Variants in CHRM2 observed in about 807,000 individuals in gnomAD.
The protein encoded by CHRM2 is muscarinic acetylcholine receptor M2.
In CHRM2, 8 loss-of-function variants were observed where a neutral mutation model predicts 25.0. That is an observed-to-expected ratio of 0.32 (90% CI 0.19 to 0.58). The LOEUF is 0.58. Ranked by LOEUF, CHRM2 falls within the 20% of genes least tolerant of loss-of-function variation. The pLI, the probability that CHRM2 is intolerant of heterozygous loss-of-function variation, is 0.88. For synonymous variants in CHRM2, 202 were observed against 205.7 expected, an observed-to-expected ratio of 0.98 and a Z score of 0.15; for missense variants, 440 against 567.1, an observed-to-expected ratio of 0.78 and a Z score of 2.28.
intron 2 of CHRM2, among the ~76,000 whole-genome samples, chr7:136,910,005 C>T (rs1797756842): frequency 6.6e-6 from 1 of 151,784 alleles, no homozygotes; most frequent in South Asian, 2.1e-4. Flanking sequence ...CACACACACA[C>T]ACCAAACGCT....
intron 2 of CHRM2, among the ~76,000 whole-genome samples, chr7:136,908,163 T>C (rs373675897): frequency 1.3e-5 from 2 of 152,104 alleles, no homozygotes; most frequent in African/African-American, 4.8e-5. Context: ...TGCTAACTTA[T>C]TTAAACCTCA....
At chr7:137,011,056 G>A (rs549116352) in intron 3 of CHRM2, among the ~76,000 whole-genome samples, 1 of 151,930 alleles carries the variant, frequency 6.6e-6, no homozygotes, top group Admixed American at 6.6e-5. Context: ...GGGAATGATA[G>A]AAATTGTTCC....
intron 2 of CHRM2, among the ~76,000 whole-genome samples, chr7:136,883,201 C>T (rs1796333250): frequency 1.3e-5 from 2 of 152,108 alleles, no homozygotes; most frequent in South Asian, 2.1e-4. Flanking sequence ...GGATCTTCCA[C>T]TTGTTTTTAC....
chr7:136,983,664 G>A lies in CHRM2; in HGVS notation c.-124-8523G>A, dbSNP rs115568252. Reference sequence around the variant, plus strand: ...ATGTTGATGCTACTGCTTTCTCTTCGTGAGTTTTCCTTCTAACAGTCAAGT... The same window carrying A: ...ATGTTGATGCTACTGCTTTCTCTTCATGAGTTTTCCTTCTAACAGTCAAGT... On this transcript the variant is annotated intron_variant, in intron 2 of 3. Transcript: ENST00000680005. Among the ~76,000 whole-genome samples the A allele has an allele frequency of 6.9e-3, 1,044 of 152,212 alleles. 10 individuals are homozygous for A. The highest frequency in any genetic ancestry group is 0.024 in the African/African-American group (993 of 41,524).
Position 137,015,900 on chromosome 7 carries a change from G to T in CHRM2, c.1035G>T (p.Glu345Asp). The T allele has an allele frequency of 6.2e-7, 1 of 1,613,148 alleles. No homozygotes were observed. The highest frequency in any genetic ancestry group is 8.5e-7 in the Non-Finnish European group (1 of 1,179,480). ...DSCTPTNTTVEVVGSSGQNGD... is the reference protein window; with the variant it reads ...DSCTPTNTTVDVVGSSGQNGD... ...GTACCCCAACTAATACCACCGTGGA[G>T]GTAGTGGGGTCTTCAGGTCAGAATG... Residue 345 changes from glutamate to aspartate, a missense_variant, in exon 4 of 4, where the codon GAG becomes GAT. Physicochemically the swap from Glu to Asp is conservative, Grantham distance 45 (BLOSUM62 2). Around this residue, in one of 5 missense-constraint regions of CHRM2, gnomAD observed 261 missense variants for 261.8 expected, o/e 1.00. Transcript: ENST00000680005. This position sits in a 1 kb window ranked among gnomAD's most constrained non-coding sequence, Gnocchi z 5.1.
chr7:136,986,094 G>T (rs2130996992), intron 2 of CHRM2, among the ~76,000 whole-genome samples: 1 of 152,224 alleles, frequency 6.6e-6, no homozygotes, highest in South Asian at 2.1e-4. Context: ...CCTAGAAATA[G>T]ATGAGAACCC....
At chr7:136,975,721 T>C (rs1214800125) in intron 2 of CHRM2, among the ~76,000 whole-genome samples, 1 of 152,218 alleles carries the variant, frequency 6.6e-6, no homozygotes, top group Non-Finnish European at 1.5e-5. Context: ...TCTCTTCCTA[T>C]TGCCTTCACT....
chr7:136,986,229 G>A (rs944270056), intron 2 of CHRM2, among the ~76,000 whole-genome samples: 1 of 152,020 alleles, frequency 6.6e-6, no homozygotes, highest in Non-Finnish European at 1.5e-5. Flanking sequence ...AAGCACCAAA[G>A]CATTTCCTTA....
intron 2 of CHRM2, among the ~76,000 whole-genome samples, chr7:136,960,950 A>G (rs1334245637): frequency 3.3e-5 from 5 of 152,026 alleles, no homozygotes; most frequent in Non-Finnish European, 2.9e-5. Context: ...ACAGGGTGAA[A>G]CCCCGTCTCT....
At chr7:137,009,835 T>G (rs1249835105) in intron 3 of CHRM2, among the ~76,000 whole-genome samples, 6 of 152,056 alleles carry the variant, frequency 3.9e-5, no homozygotes, top group African/African-American at 1.4e-4. Flanking sequence ...ATTGATAATT[T>G]AATATTATCG....
chr7:137,011,100 A>G (rs534936105), intron 3 of CHRM2, among the ~76,000 whole-genome samples: 369 of 152,022 alleles, frequency 2.4e-3, no homozygotes, highest in Non-Finnish European at 4.4e-3. Context: ...GTTAAGTGAG[A>G]TAATACATAT....
chr7:137,015,434 C>T lies in CHRM2; in HGVS notation c.569C>T (p.Thr190Met), dbSNP rs1394629702. ...TCCAATGCTGCTGTCACCTTTGGTA[C>T]GGCTATTGCAGCCTTCTATTTGCCA... ...FFSNAAVTFG[T>M]AIAAFYLPVI... is the part of the protein sequence containing the mutation. Residue 190 changes from threonine (T) to methionine (M), a missense_variant, in exon 4 of 4, where the codon ACG becomes ATG. Thr to Met is a moderately conservative substitution (Grantham distance 81, BLOSUM62 -1). Around this residue, in one of 5 missense-constraint regions of CHRM2, gnomAD observed 261 missense variants for 261.8 expected, o/e 1.00. Transcript: ENST00000680005. The surrounding 1 kb of genome is among the most constrained non-coding windows in gnomAD (Gnocchi z 5.1). 2.5e-6 allele frequency: 4 copies of T among 1,613,226 alleles called. No individual in the cohort carries two copies. Among genetic ancestry groups the T allele is most frequent in the Middle Eastern group, 1.6e-4 (1 of 6,080 alleles).
chr7:136,922,086 A>T (rs890790223), intron 2 of CHRM2, among the ~76,000 whole-genome samples: 2 of 152,112 alleles, frequency 1.3e-5, no homozygotes, highest in Non-Finnish European at 2.9e-5. Flanking sequence ...AAATTAGAAC[A>T]ACTGCAAAGT....
At chr7:136,959,744 T>C (rs1800951643) in intron 2 of CHRM2, among the ~76,000 whole-genome samples, 1 of 152,086 alleles carries the variant, frequency 6.6e-6, no homozygotes, top group Non-Finnish European at 1.5e-5. Flanking sequence ...AAGCACGATC[T>C]CTACTAAAAA....
At chr7:136,945,082 G>GT (rs551087046) in intron 2 of CHRM2, among the ~76,000 whole-genome samples, 10 of 149,540 alleles carry the variant, frequency 6.7e-5, no homozygotes, top group East Asian at 5.9e-4. Flanking sequence ...ATTGTTTTTT[G>GT]TTTTTTTTTC....
chr7:136,876,067 C>G, intron 2 of CHRM2, among the ~76,000 whole-genome samples: 1 of 152,180 alleles, frequency 6.6e-6, no homozygotes, highest in Non-Finnish European at 1.5e-5. Context: ...CATTTAATCT[C>G]TCACAGCCAT....
At chr7:136,873,839 T>A (rs538875587) in intron 2 of CHRM2, among the ~76,000 whole-genome samples, 46 of 152,248 alleles carry the variant, frequency 3.0e-4, no homozygotes, top group Non-Finnish European at 6.0e-4. Context: ...GAGGCAGTGC[T>A]GAGTAGGCTC....
Position 137,016,621 on chromosome 7 carries a change from TG to T in CHRM2, c.*356del, listed in dbSNP as rs1437808767. The T allele has an allele frequency of 1.6e-5, 4 of 256,950 alleles. No individual in the cohort carries two copies. The highest frequency in any genetic ancestry group is 9.1e-5 in the African/African-American group (4 of 43,758). 15.9% of individuals were successfully genotyped at this position (256,950 alleles called of 1,614,324 possible). A position where few individuals can be genotyped will look rare whatever the true frequency, so the allele number is the denominator to read the frequency against. On this transcript the variant is annotated 3_prime_UTR_variant, in exon 4 of 4. Transcript: ENST00000680005. ...AACCTTGTTCCTTTTTTGTTACTTT[TG>T]TTGTTGTTGTTCTCATGTGTCCTTA...
chr7:136,891,245 T>A (rs940148674), intron 2 of CHRM2, among the ~76,000 whole-genome samples: 3 of 152,172 alleles, frequency 2.0e-5, no homozygotes, highest in African/African-American at 4.8e-5. Context: ...CTCTTTCTGA[T>A]TGGTGTCCCA....
Sources: gnomAD v4.1 joint callset for allele counts (sites outside exome capture counted in the v4.1 genomes callset) on GRCh38, gnomAD v4.1.1 for gene constraint, gnomAD v4.1.1 regional missense constraint, Gnocchi (gnomAD v3.1) non-coding constraint, MANE v1.5 for transcripts, NCBI Gene and HGNC (gene_info 2026-07-23, HGNC 2026-07-21) for gene names.